Variants in MRTFA observed in about 807,000 individuals in gnomAD.
The protein encoded by MRTFA is myocardin related transcription factor A.
In MRTFA, 20 loss-of-function variants were observed where a neutral mutation model predicts 83.5. The ratio of observed to expected loss-of-function variants is 0.24; its 90% CI spans 0.17 to 0.35. MRTFA has a LOEUF of 0.35. Among genes scored for constraint, MRTFA ranks in the 10% least tolerant of loss-of-function variants. The pLI, the probability that MRTFA is intolerant of heterozygous loss-of-function variation, is 1.00. For missense variants in MRTFA, 1,200 were observed against 1,224.7 expected (o/e 0.98, Z 0.30); for synonymous variants, 659 against 541.2 (o/e 1.22, Z -3.02).
chr22:40,549,254 C>T (rs904510073), intron 3 of MRTFA, among the ~76,000 whole-genome samples: 4 of 151,920 alleles, frequency 2.6e-5, no homozygotes, highest in African/African-American at 9.7e-5. Context: ...AAAATCCCAG[C>T]GAGTATACCA....
chr22:40,604,956 T>C (rs1401144841), intron 1 of MRTFA, among the ~76,000 whole-genome samples: 1 of 152,142 alleles, frequency 6.6e-6, no homozygotes, highest in Non-Finnish European at 1.5e-5. Flanking sequence ...GACTAATCTA[T>C]GACCTATCAG....
At position 40,463,145 on chromosome 22, in the gene MRTFA, T is replaced by C; in HGVS notation, c.307+76A>G. 5 of 1,253,274 alleles carry C rather than the reference T, an allele frequency of 4.0e-6. No individual in the cohort carries two copies. The South Asian group carries it at 6.1e-5, about 15-fold the overall frequency. The allele number at this position is 1,253,274 out of a possible 1,614,324, so 77.6% of individuals were successfully genotyped here. A position where few individuals can be genotyped will look rare whatever the true frequency, so the allele number is the denominator to read the frequency against. On this transcript the variant is annotated intron_variant, in intron 4 of 14. Coordinates refer to ENST00000355630, the MANE Select transcript of MRTFA (RefSeq NM_020831.6). ...ATCATCCTTGTTTTATGTTAGATGC[T>C]TCCCATGGCATACTCGGTGAACACA...
chr22:40,475,417 AT>A (rs2053976533), intron 3 of MRTFA, among the ~76,000 whole-genome samples: 2 of 151,950 alleles, frequency 1.3e-5, no homozygotes, highest in African/African-American at 4.8e-5. Context: ...CATGCTTGTA[AT>A]CCCAGCTACC....
chr22:40,480,094 T>A (rs779089717), intron 3 of MRTFA, among the ~76,000 whole-genome samples: 16 of 152,180 alleles, frequency 1.1e-4, no homozygotes, highest in South Asian at 2.1e-4. Context: ...ATGCAGACGA[T>A]ACAACTGTCA....
At chr22:40,530,535 G>T (rs1189159147) in intron 3 of MRTFA, among the ~76,000 whole-genome samples, 1 of 152,228 alleles carries the variant, frequency 6.6e-6, no homozygotes, top group Non-Finnish European at 1.5e-5. Context: ...GACCTCAAAT[G>T]ATCCACCTGC....
intron 3 of MRTFA, among the ~76,000 whole-genome samples, chr22:40,510,020 T>C (rs1251091217): frequency 1.4e-5 from 2 of 142,084 alleles, no homozygotes; most frequent in African/African-American, 5.3e-5. Context: ...CTGTTTGCTC[T>C]GCCAAGGCCC....
Position 40,416,828 on chromosome 22 carries a change from C to A in MRTFA, c.2578+158G>T, listed in dbSNP as rs2052690014. The A allele has an allele frequency of 2.8e-6, 2 of 703,636 alleles. No individual in the cohort carries two copies. The highest frequency in any genetic ancestry group is 2.7e-5 in the East Asian group (1 of 36,628). The allele number at this position is 703,636 out of a possible 1,614,324, so 43.6% of individuals were successfully genotyped here. ...CCTTCCCTGGTCCTCTCGCCCAGGC[C>A]TTGGAGACGGGAGGGCTCACAGCCA... On this transcript the variant is annotated intron_variant, in intron 14 of 14. Coordinates refer to ENST00000355630, the MANE Select transcript of MRTFA (RefSeq NM_020831.6). The surrounding 1 kb of genome is among the most constrained non-coding windows in gnomAD (Gnocchi z 4.2).
At chr22:40,544,534 G>C (rs1469880673) in intron 3 of MRTFA, among the ~76,000 whole-genome samples, 1 of 152,166 alleles carries the variant, frequency 6.6e-6, no homozygotes, top group Non-Finnish European at 1.5e-5. Flanking sequence ...GCTAAATTTA[G>C]AGATTCTTAA....
At chr22:40,626,866 AAC>A (rs141945541) in intron 1 of MRTFA, among the ~76,000 whole-genome samples, 1,771 of 145,014 alleles carry the variant, frequency 0.012, 15 homozygotes, top group South Asian at 0.038. Context: ...CCCTGTCTCA[AAC>A]ACACACACAC....
At chr22:40,474,776 A>G (rs192277369) in intron 3 of MRTFA, among the ~76,000 whole-genome samples, 230 of 152,310 alleles carry the variant, frequency 1.5e-3, no homozygotes, top group African/African-American at 5.1e-3. Flanking sequence ...TCCAAAGAAA[A>G]CAGACACTAT....
chr22:40,588,712 T>C (rs1287367131), intron 2 of MRTFA, among the ~76,000 whole-genome samples: 2 of 152,322 alleles, frequency 1.3e-5, no homozygotes, highest in East Asian at 3.9e-4. Flanking sequence ...CCAGATGTAT[T>C]GGCTCACACC....
intron 3 of MRTFA, among the ~76,000 whole-genome samples, chr22:40,547,155 A>C (rs968074198): frequency 6.6e-6 from 1 of 151,890 alleles, no homozygotes; most frequent in Non-Finnish European, 1.5e-5. Context: ...ACTCCATCTC[A>C]AAAAATATAT....
intron 3 of MRTFA, among the ~76,000 whole-genome samples, chr22:40,542,208 A>C (rs1602408466): frequency 1.3e-5 from 2 of 150,108 alleles, no homozygotes; most frequent in Admixed American, 6.6e-5. Flanking sequence ...TCCTCCTCCC[A>C]CCCCCTACCC....
intron 3 of MRTFA, among the ~76,000 whole-genome samples, chr22:40,498,473 T>C (rs949382446): frequency 6.6e-5 from 10 of 150,542 alleles, no homozygotes; most frequent in African/African-American, 2.4e-4. Flanking sequence ...TTTGTAGAGA[T>C]GAGGTTTCAC....
chr22:40,610,630 T>C (rs2056376136), intron 1 of MRTFA, among the ~76,000 whole-genome samples: 1 of 152,152 alleles, frequency 6.6e-6, no homozygotes, highest in African/African-American at 2.4e-5. Context: ...TTTTTATCCA[T>C]TATGGACTCT....
Position 40,503,925 on chromosome 22 carries a change from T to A in MRTFA, c.242-40639A>T, listed in dbSNP as rs1367480627. Among the ~76,000 whole-genome samples the A allele has an allele frequency of 5.5e-5, 8 of 145,424 alleles. No homozygotes were observed. In the South Asian group the frequency reaches 1.7e-3, roughly 31 times the overall value. Reference sequence around the variant, plus strand: ...CAACAGAGCAAGACTGTCTCAAGTTTAAAAAAAAAAAAATTCCCAGGATAC... The same window carrying A: ...CAACAGAGCAAGACTGTCTCAAGTTAAAAAAAAAAAAAATTCCCAGGATAC... On this transcript the variant is annotated intron_variant, in intron 3 of 14. Transcript: ENST00000355630.
At chr22:40,457,486 GAAGGAAAGAAAGAAAGAGAA>G (rs2053615039) in intron 4 of MRTFA, among the ~76,000 whole-genome samples, 1 of 127,912 alleles carries the variant, frequency 7.8e-6, no homozygotes, top group Admixed American at 7.7e-5. Flanking sequence ...AAGAAAGAAA[GAAGGAAAGAAAGAAAGAGAA>G]AGAAAGAAAA....
At chr22:40,633,663 T>C (rs2056664353) in intron 1 of MRTFA, among the ~76,000 whole-genome samples, 1 of 152,098 alleles carries the variant, frequency 6.6e-6, no homozygotes, top group African/African-American at 2.4e-5. Flanking sequence ...TTTATAAGTA[T>C]AAAATATATA....
chr22:40,630,575 C>G (rs1245548103), intron 1 of MRTFA, among the ~76,000 whole-genome samples: 1 of 152,174 alleles, frequency 6.6e-6, no homozygotes, highest in Non-Finnish European at 1.5e-5. Flanking sequence ...AAATGGAAGT[C>G]ATCTTCATTA....
Sources: gnomAD v4.1 joint callset for allele counts (sites outside exome capture counted in the v4.1 genomes callset) on GRCh38, gnomAD v4.1.1 for gene constraint, Gnocchi (gnomAD v3.1) non-coding constraint, MANE v1.5 for transcripts, NCBI Gene and HGNC (gene_info 2026-07-23, HGNC 2026-07-21) for gene names.